Variants in PYGL observed in about 807,000 individuals in gnomAD.
PYGL encodes glycogen phosphorylase, liver form.
Under a neutral mutation model 100.1 loss-of-function variants are expected in PYGL, and 90 were observed. That is an observed-to-expected ratio of 0.90 (90% CI 0.76 to 1.07). The LOEUF (loss-of-function observed/expected upper bound fraction) is 1.07. Ranked by LOEUF, PYGL falls within the 50% of genes least tolerant of loss-of-function variation. The pLI is 0.00. For missense variants in PYGL, 1,016 were observed against 1,057.6 expected, an observed-to-expected ratio of 0.96 and a Z score of 0.55; for synonymous variants, 373 against 393.0, an observed-to-expected ratio of 0.95 and a Z score of 0.60.
chr14:50,944,352 C>T lies in PYGL; in HGVS notation c.52G>A (p.Gly18Ser), dbSNP rs781203351. The T allele has an allele frequency of 6.2e-6, 10 of 1,613,630 alleles. 1 individual carries two copies. The highest frequency in any genetic ancestry group is 8.5e-6 in the Non-Finnish European group (10 of 1,179,852). Residue 18 changes from glycine (G) to serine (S), a missense_variant, in exon 1 of 20, where the codon GGC (glycine) becomes AGC (serine). Physicochemically the swap from Gly to Ser is moderately conservative, Grantham distance 56 (BLOSUM62 0). Transcript: ENST00000216392. ...GCCACGTTCTCCACGCCCACGATGCCGCGGATGCTGATCTGCCGCCGCTTC... is the reference window on the plus strand; with the variant it reads ...GCCACGTTCTCCACGCCCACGATGCTGCGGATGCTGATCTGCCGCCGCTTC... ...QEKRRQISIR[G>S]IVGVENVAEL...
At position 50,915,319 on chromosome 14, in the gene PYGL, G is replaced by C; in HGVS notation, c.1403+17C>G. The C allele has an allele frequency of 6.2e-7, 1 of 1,613,646 alleles. No individual in the cohort carries two copies. Among genetic ancestry groups the C allele is most frequent in the South Asian group, 1.1e-5 (1 of 91,078 alleles). On this transcript the variant is annotated intron_variant, in intron 11 of 19. Coordinates refer to ENST00000216392, the MANE Select transcript of PYGL (RefSeq NM_002863.5). ...TGGATCAGTGTCAGACCCACTGCCA[G>C]AGTAATGGAGGCTCACACTTTAGTC...
Position 50,905,319 on chromosome 14 carries a change from C to G in PYGL, c.*73G>C, listed in dbSNP as rs2050319540. 1 of 1,482,916 alleles carries G rather than the reference C, an allele frequency of 6.7e-7. No homozygotes were observed. The allele number at this position is 1,482,916 out of a possible 1,614,324, so 91.9% of individuals were successfully genotyped here. On this transcript the variant is annotated 3_prime_UTR_variant, in exon 20 of 20. Coordinates refer to ENST00000216392, the MANE Select transcript of PYGL (RefSeq NM_002863.5). ...TATTATAGATTATTAGCTAACAAAA[C>G]AAAAACCAGTGAATGTTGTAAAAAT...
In PYGL at chr14:50,944,149, G is replaced by A. The variant is rs1481481865; in HGVS notation, c.243+12C>T. On this transcript the variant is annotated intron_variant, in intron 1 of 19. Transcript: ENST00000216392. ...GGGCTGGACCCCGGCCCGCCGTCCC[G>A]CCCCCGGTTACCTTGGGGCACTTGT... The A allele has an allele frequency of 2.5e-6, 4 of 1,596,508 alleles. No individual in the cohort carries two copies. The highest frequency in any genetic ancestry group is 4.5e-5 in the East Asian group (2 of 44,402).
At chr14:50,920,476 C>T in intron 7 of PYGL, 65 bp downstream of exon 7, 2 of 1,422,112 alleles carry the variant, frequency 1.4e-6, no homozygotes, top group South Asian at 1.1e-5. Flanking sequence ...TTATAGGTTA[C>T]TGAACAGGCT....
At position 50,911,881 on chromosome 14, in the gene PYGL, A is replaced by G; in HGVS notation, c.1828-10T>C. 2 of 1,614,150 alleles carry G rather than the reference A, an allele frequency of 1.2e-6. No individual in the cohort carries two copies. Among genetic ancestry groups the G allele is most frequent in the Non-Finnish European group, 8.5e-7 (1 of 1,180,012 alleles). ...GATATCCTGGGGCAGCCTTTGGGGA[A>G]GAAGGTCAAACGCATTGACAGAAGG... On this transcript the variant is annotated splice_polypyrimidine_tract_variant and intron_variant, in intron 15 of 19. Transcript: ENST00000216392.
At chr14:50,936,537 G>A (rs556407700) in intron 2 of PYGL, among the ~76,000 whole-genome samples, 6 of 152,314 alleles carry the variant, frequency 3.9e-5, no homozygotes, top group South Asian at 2.1e-4. Flanking sequence ...AGGCTGGCAC[G>A]GTGACTCACA....
At chr14:50,916,586 T>C (rs752268101) in intron 9 of PYGL, 56 bp downstream of exon 9, 2 of 1,484,882 alleles carry the variant, frequency 1.3e-6, no homozygotes, top group Non-Finnish European at 9.4e-7. Context: ...TTTGGCAGTC[T>C]TTCAACTGCA....
chr14:50,942,822 CAAACA>C (rs35049468), intron 1 of PYGL, among the ~76,000 whole-genome samples: 46,290 of 122,610 alleles, frequency 0.38, 12,631 homozygotes, highest in Middle Eastern at 0.55. Context: ...GACTCTGTCT[CAAACA>C]AAACAAAACA....
chr14:50,940,632 C>G (rs190353995), intron 1 of PYGL, among the ~76,000 whole-genome samples: 1 of 152,180 alleles, frequency 6.6e-6, no homozygotes, highest in African/African-American at 2.4e-5. Flanking sequence ...TGGCCATACT[C>G]TTACTTACTG....
At chr14:50,912,368 CT>C (rs1199914678) in intron 13 of PYGL, 65 bp from the exon 14 acceptor site, 19 of 1,569,758 alleles carry the variant, frequency 1.2e-5, no homozygotes, top group Admixed American at 1.7e-5. Flanking sequence ...TCTGGTTTTT[CT>C]TTTTTTTGAG....
Position 50,913,323 on chromosome 14 carries a change from T to C in PYGL, c.1519-193A>G, listed in dbSNP as rs181610869. Reference sequence around the variant, plus strand: ...AGAACACTTTTGCTAGTATCTTAAATGTAGTTTCAGCAGTTTTTAAAAATT... The same window carrying C: ...AGAACACTTTTGCTAGTATCTTAAACGTAGTTTCAGCAGTTTTTAAAAATT... On this transcript the variant is annotated intron_variant, in intron 12 of 19. Transcript: ENST00000216392. 2,124 of 371,348 alleles carry C rather than the reference T, an allele frequency of 5.7e-3. 8 individuals carry two copies. Among genetic ancestry groups the C allele is most frequent in the Non-Finnish European group, 8.9e-3 (1,849 of 208,386 alleles). The allele number at this position is 371,348 out of a possible 1,614,324, so 23.0% of individuals were successfully genotyped here.
chr14:50,921,128 C>T, intron 5 of PYGL, 61 bp from the exon 6 acceptor site: 2 of 1,351,012 alleles, frequency 1.5e-6, no homozygotes, highest in Non-Finnish European at 2.1e-6. Flanking sequence ...ATAGGTTGAA[C>T]AAGGGGCTGG....
Position 50,908,643 on chromosome 14 carries a change from T to C in PYGL, c.2312+178A>G, listed in dbSNP as rs890340998. On this transcript the variant is annotated intron_variant, in intron 18 of 19. Coordinates refer to ENST00000216392, the MANE Select transcript of PYGL (RefSeq NM_002863.5). ...CGCTGGTGGAGAATATCTAACTTTT[T>C]CCCCAAGCCTAAACTACCTGAGCAG... Among the ~76,000 whole-genome samples, 5 of 152,170 alleles carry C rather than the reference T, an allele frequency of 3.3e-5. 1 individual carries two copies. Among genetic ancestry groups the C allele is most frequent in the Admixed American group, 1.3e-4 (2 of 15,268 alleles).
chr14:50,941,043 C>T (rs1234229091), intron 1 of PYGL, among the ~76,000 whole-genome samples: 1 of 152,096 alleles, frequency 6.6e-6, no homozygotes, highest in Non-Finnish European at 1.5e-5. Context: ...AAGAACAGGC[C>T]CACCTGGACT....
chr14:50,914,587 C>T, intron 12 of PYGL, 114 bp downstream of exon 12: 6 of 812,042 alleles, frequency 7.4e-6, no homozygotes, highest in Middle Eastern at 2.9e-4. Flanking sequence ...ACTGCACAAA[C>T]CACATGCTGA....
intron 5 of PYGL, among the ~76,000 whole-genome samples, chr14:50,922,516 T>C (rs1596041608): frequency 1.3e-5 from 2 of 152,190 alleles, no homozygotes. Flanking sequence ...AAACAAGAGT[T>C]GGACCCTTCT....
intron 3 of PYGL, among the ~76,000 whole-genome samples, chr14:50,934,069 T>A (rs1271225134): frequency 6.6e-6 from 1 of 152,218 alleles, no homozygotes; most frequent in East Asian, 1.9e-4. Flanking sequence ...AGGGTAGATA[T>A]CAAGTGGAAT....
chr14:50,914,946 AGGCTGACAGTAGCTAT>A, intron 11 of PYGL, 131 bp from the exon 12 acceptor site: 1 of 737,662 alleles, frequency 1.4e-6, no homozygotes, highest in Non-Finnish European at 2.4e-6. Flanking sequence ...GTGGAGGGAC[AGGCTGACAGTAGCTAT>A]GGCTGTCATT....
At chr14:50,916,495 A>T (rs1255764557) in intron 9 of PYGL, 147 bp downstream of exon 9, 4 of 751,098 alleles carry the variant, frequency 5.3e-6, no homozygotes, top group Non-Finnish European at 9.3e-6. Flanking sequence ...AGGATGGAAA[A>T]TGTCAGCGTC....
Sources: allele counts gnomAD v4.1 joint callset (sites outside exome capture counted in the v4.1 genomes callset), GRCh38; gene constraint gnomAD v4.1.1; transcripts MANE v1.5; gene names NCBI Gene and HGNC (gene_info 2026-07-23, HGNC 2026-07-21).